INPP5A: variants seen among roughly 807,000 people sequenced by gnomAD.
INPP5A encodes 43 kDa inositol polyphosphate 5-phophatase.
A neutral mutation model predicts 65.2 loss-of-function variants in INPP5A; 14 were observed. The ratio of observed to expected loss-of-function variants is 0.21; its 90% CI spans 0.14 to 0.34. The LOEUF is 0.34. Among genes scored for constraint, INPP5A ranks in the 10% least tolerant of loss-of-function variants. The pLI, the probability that INPP5A is intolerant of heterozygous loss-of-function variation, is 1.00. For synonymous variants in INPP5A, 207 were observed against 208.3 expected (o/e 0.99, Z 0.05); for missense variants, 431 against 545.6 (o/e 0.79, Z 2.09).
chr10:132,544,752 G>C (rs553710965), intron 1 of INPP5A, among the ~76,000 whole-genome samples: 2 of 152,180 alleles, frequency 1.3e-5, no homozygotes, highest in East Asian at 3.9e-4. Flanking sequence ...CTCTCCCTCC[G>C]GCCCTGGCAT....
intron 1 of INPP5A, among the ~76,000 whole-genome samples, chr10:132,604,532 C>T (rs1034510201): frequency 6.6e-6 from 1 of 152,202 alleles, no homozygotes; most frequent in Non-Finnish European, 1.5e-5. Context: ...AAAGGGGTGT[C>T]TTAATCTTCC....
rs577900191 is a variant in INPP5A at position 132,627,114 on chromosome 10, C to T, written c.118-18754C>T. 2.2e-4 allele frequency among the ~76,000 whole-genome samples: 33 copies of T among 152,032 alleles called. No individual in the cohort carries two copies. The highest frequency in any genetic ancestry group is 2.0e-3 in the Admixed American group (30 of 15,290). ...ACGGGATCAGGCTCTCTCCACAGGG[C>T]GCAGAGGCAGCTCTGTGAGCCAGGA... On this transcript the variant is annotated intron_variant, in intron 2 of 15. Transcript: ENST00000368594. This position sits in a 1 kb window ranked among gnomAD's most constrained non-coding sequence, Gnocchi z 6.6.
chr10:132,724,112 A>G (rs1293753173), intron 8 of INPP5A, among the ~76,000 whole-genome samples: 1 of 151,626 alleles, frequency 6.6e-6, no homozygotes. Flanking sequence ...AGAACTGTCA[A>G]CAAGAAGGAC....
chr10:132,614,960 G>A (rs368910211), intron 2 of INPP5A, among the ~76,000 whole-genome samples: 58 of 152,324 alleles, frequency 3.8e-4, no homozygotes, highest in African/African-American at 1.3e-3. Context: ...CGTCTGTGGC[G>A]TAGGCCCCGC....
intron 3 of INPP5A, among the ~76,000 whole-genome samples, chr10:132,649,512 G>A (rs2072544064): frequency 6.6e-6 from 1 of 152,226 alleles, no homozygotes; most frequent in African/African-American, 2.4e-5. Context: ...TGAAGGTTGT[G>A]TTTACCAACA....
chr10:132,776,273 T>G (rs919830743), intron 12 of INPP5A, among the ~76,000 whole-genome samples: 12 of 152,072 alleles, frequency 7.9e-5, no homozygotes, highest in Non-Finnish European at 1.5e-4. Flanking sequence ...CAAGGCCGGG[T>G]GGCAGCCGTG....
chr10:132,736,916 CCCCTCTGCCCCCTGAT>C (rs1487582798), intron 9 of INPP5A, among the ~76,000 whole-genome samples: 1 of 152,240 alleles, frequency 6.6e-6, no homozygotes, highest in African/African-American at 2.4e-5. Context: ...CCTTGTTGAG[CCCCTCTGCCCCCTGAT>C]CCCTCAGCCG....
intron 3 of INPP5A, among the ~76,000 whole-genome samples, chr10:132,646,593 C>T (rs149082942): frequency 0.015 from 2,249 of 152,286 alleles, 33 homozygotes; most frequent in South Asian, 0.039. Flanking sequence ...TTCCCGAGGC[C>T]GCAGCCGTGA....
chr10:132,768,316 C>T (rs535131453), intron 12 of INPP5A, among the ~76,000 whole-genome samples: 64 of 148,360 alleles, frequency 4.3e-4, no homozygotes, highest in African/African-American at 7.3e-4. Flanking sequence ...AGGGTGCCCA[C>T]GCGCCCAGTT....
chr10:132,708,451 T>G (rs766861479), intron 7 of INPP5A, 86 bp downstream of exon 7: 1 of 1,310,316 alleles, frequency 7.6e-7, no homozygotes, highest in South Asian at 1.2e-5. Flanking sequence ...ACACACCTCA[T>G]TGGAGGCTCT....
At chr10:132,758,814 A>G (rs1312874952) in intron 11 of INPP5A, among the ~76,000 whole-genome samples, 2 of 152,104 alleles carry the variant, frequency 1.3e-5, no homozygotes, top group Non-Finnish European at 2.9e-5. Context: ...CCATCTGTGG[A>G]TGTGGCCCAC....
At chr10:132,679,646 CAAAT>C (rs1326122786) in intron 4 of INPP5A, among the ~76,000 whole-genome samples, 1 of 152,030 alleles carries the variant, frequency 6.6e-6, no homozygotes, top group Non-Finnish European at 1.5e-5. Flanking sequence ...GGTGATGAGA[CAAAT>C]AAATAATTCT....
chr10:132,691,348 G>T (rs1259367027), intron 5 of INPP5A, among the ~76,000 whole-genome samples: 1 of 152,204 alleles, frequency 6.6e-6, no homozygotes, highest in Non-Finnish European at 1.5e-5. Context: ...AGGATCAGCC[G>T]CACAGAATTG....
chr10:132,694,085 T>C (rs1845309943), intron 5 of INPP5A, among the ~76,000 whole-genome samples: 1 of 152,190 alleles, frequency 6.6e-6, no homozygotes, highest in South Asian at 2.1e-4. Flanking sequence ...TACGTTTTTG[T>C]CAAGCTCGCC....
intron 5 of INPP5A, among the ~76,000 whole-genome samples, chr10:132,695,575 A>T (rs922034119): frequency 1.3e-5 from 2 of 152,236 alleles, no homozygotes; most frequent in African/African-American, 4.8e-5. Context: ...CTCAGATGAT[A>T]TGATTATGTC....
intron 2 of INPP5A, 115 bp from the exon 3 acceptor site, chr10:132,645,753 C>CTATAGGCCT: frequency 1.3e-6 from 1 of 745,826 alleles, no homozygotes; most frequent in Non-Finnish European, 2.2e-6. Context: ...CATGGGGCCC[C>CTATAGGCCT]GTCTCTGCCA....
At chr10:132,598,971 A>G (rs1285442387) in intron 1 of INPP5A, among the ~76,000 whole-genome samples, 1 of 152,178 alleles carries the variant, frequency 6.6e-6, no homozygotes, top group African/African-American at 2.4e-5. Context: ...CCATGATTCA[A>G]TTACCTCCCC....
intron 1 of INPP5A, among the ~76,000 whole-genome samples, chr10:132,607,472 C>T (rs1405863664): frequency 6.6e-6 from 1 of 152,236 alleles, no homozygotes; most frequent in Non-Finnish European, 1.5e-5. Context: ...TTTTGTACTC[C>T]ACAAAGCTCA....
chr10:132,555,419 G>A lies in INPP5A; in HGVS notation c.75+17248G>A, dbSNP rs114992360. 1.1e-3 allele frequency among the ~76,000 whole-genome samples: 171 copies of A among 152,214 alleles called. No individual in the cohort carries two copies. Among genetic ancestry groups the A allele is most frequent in the African/African-American group, 3.8e-3 (158 of 41,512 alleles). On this transcript the variant is annotated intron_variant, in intron 1 of 15. Transcript: ENST00000368594. This position sits in a 1 kb window ranked among gnomAD's most constrained non-coding sequence, Gnocchi z 4.4. Reference sequence around the variant, plus strand: ...TTTTGAACTTCTGATAAGTTGCCTGGCCGGAAGGGGAAGAAGGGGGGCTTG... The same window carrying A: ...TTTTGAACTTCTGATAAGTTGCCTGACCGGAAGGGGAAGAAGGGGGGCTTG...
Sources: gnomAD v4.1 joint callset for allele counts (sites outside exome capture counted in the v4.1 genomes callset) on GRCh38, gnomAD v4.1.1 for gene constraint, Gnocchi (gnomAD v3.1) non-coding constraint, MANE v1.5 for transcripts, NCBI Gene and HGNC (gene_info 2026-07-23, HGNC 2026-07-21) for gene names.